Variants in LRRC7 observed in about 807,000 individuals in gnomAD.
LRRC7 encodes leucine rich repeat containing 7.
A neutral mutation model predicts 175.7 loss-of-function variants in LRRC7; 23 were observed. The observed-to-expected ratio is 0.13, with a 90% CI of 0.09 to 0.19. LRRC7 has a LOEUF of 0.19. Ranked by LOEUF, LRRC7 falls within the 10% of genes least tolerant of loss-of-function variation. LRRC7 has a pLI of 1.00. For synonymous variants in LRRC7, 685 were observed against 680.9 expected (o/e 1.01, Z -0.09); for missense variants, 1,354 against 1,904.7 (o/e 0.71, Z 5.38).
chr1:69,987,227 A>G (rs1348557194), intron 10 of LRRC7, among the ~76,000 whole-genome samples: 1 of 152,178 alleles, frequency 6.6e-6, no homozygotes, highest in East Asian at 1.9e-4. Flanking sequence ...CCTGGGCAAT[A>G]GAGGGAGACT....
At chr1:69,953,572 G>A (rs1211481690) in intron 8 of LRRC7, among the ~76,000 whole-genome samples, 1 of 152,014 alleles carries the variant, frequency 6.6e-6, no homozygotes, top group Non-Finnish European at 1.5e-5. Flanking sequence ...TGGTTTCAGT[G>A]CATCAAGTGC....
chr1:70,091,531 A>C (rs1035948968), intron 25 of LRRC7, among the ~76,000 whole-genome samples: 1 of 152,062 alleles, frequency 6.6e-6, no homozygotes, highest in African/African-American at 2.4e-5. Flanking sequence ...GTAAAAAAAT[A>C]TTTTTAAATT....
rs1666391694 is a variant in LRRC7, at chr1:70,125,204, C to T, written c.*3317C>T. On this transcript the variant is annotated 3_prime_UTR_variant, in exon 27 of 27. Transcript: ENST00000651989. ...TGAAGCCTATAAAAGATATGTATCT[C>T]CATTACTTAGAATTGTAATTATTAG... 6.6e-6 allele frequency among the ~76,000 whole-genome samples: 1 copy of T among 152,152 alleles called. No homozygotes were observed. The highest frequency in any genetic ancestry group is 2.4e-5 in the African/African-American group (1 of 41,422).
intron 8 of LRRC7, among the ~76,000 whole-genome samples, chr1:69,936,646 G>A (rs1002052539): frequency 5.9e-5 from 9 of 152,190 alleles, no homozygotes; most frequent in African/African-American, 2.2e-4. Flanking sequence ...GGGGTTTGGT[G>A]TACAAATGAT....
intron 1 of LRRC7, among the ~76,000 whole-genome samples, chr1:69,641,524 C>G (rs1031796597): frequency 3.3e-5 from 5 of 151,358 alleles, no homozygotes; most frequent in Non-Finnish European, 5.9e-5. Context: ...TATTAATAAC[C>G]TTTACAGCTT....
chr1:70,010,648 C>A (rs948077671), intron 11 of LRRC7, among the ~76,000 whole-genome samples: 4 of 152,196 alleles, frequency 2.6e-5, no homozygotes, highest in African/African-American at 9.7e-5. Flanking sequence ...TTGGTAGAAT[C>A]TTCACCCCTG....
At chr1:70,018,141 A>G (rs1267495748) in intron 14 of LRRC7, among the ~76,000 whole-genome samples, 1 of 152,076 alleles carries the variant, frequency 6.6e-6, no homozygotes, top group African/African-American at 2.4e-5. Flanking sequence ...ATATCCCTTC[A>G]GAATGAATAT....
At chr1:69,609,219 T>C (rs1168762414) in intron 1 of LRRC7, among the ~76,000 whole-genome samples, 2 of 151,946 alleles carry the variant, frequency 1.3e-5, no homozygotes, top group African/African-American at 4.8e-5. Flanking sequence ...TTGCTTTTGA[T>C]CTTTCATCAG....
At chr1:70,042,202 C>T (rs17131147) in intron 21 of LRRC7, among the ~76,000 whole-genome samples, 3,860 of 152,240 alleles carry the variant, frequency 0.025, 182 homozygotes, top group African/African-American at 0.088. Flanking sequence ...GCTATTCAGG[C>T]TATATCTTTC....
chr1:70,077,007 A>G (rs1463518775), intron 24 of LRRC7, among the ~76,000 whole-genome samples: 1 of 152,194 alleles, frequency 6.6e-6, no homozygotes, highest in Non-Finnish European at 1.5e-5. Context: ...TACACTTAAA[A>G]TTAATTTCTC....
At position 70,097,438 on chromosome 1, in the gene LRRC7, G is replaced by C. The variant is rs574045089; in HGVS notation, c.4545+7619G>C. ...ATTTTAGCAGAATTGGTTAAAGAAAGTTTCACTGAATTTTTCTTTTTTTTA... is the reference window on the plus strand; with the variant it reads ...ATTTTAGCAGAATTGGTTAAAGAAACTTTCACTGAATTTTTCTTTTTTTTA... On this transcript the variant is annotated intron_variant, in intron 25 of 26. Transcript: ENST00000651989. 9.2e-5 allele frequency among the ~76,000 whole-genome samples: 14 copies of C among 152,250 alleles called. No homozygotes were observed. In the East Asian group the frequency reaches 2.7e-3, roughly 29 times the overall value.
chr1:69,645,918 C>A (rs1478624096), intron 1 of LRRC7, among the ~76,000 whole-genome samples: 3 of 151,940 alleles, frequency 2.0e-5, no homozygotes, highest in Non-Finnish European at 4.4e-5. Context: ...GGAATTTTTT[C>A]TTGTTCCAGA....
intron 8 of LRRC7, among the ~76,000 whole-genome samples, chr1:69,962,028 A>G (rs1231512005): frequency 1.3e-5 from 2 of 152,228 alleles, no homozygotes; most frequent in Non-Finnish European, 2.9e-5. Flanking sequence ...ACAGCAAAAG[A>G]AACTATCAAC....
At chr1:69,965,994 A>C (rs886732687) in intron 8 of LRRC7, among the ~76,000 whole-genome samples, 4 of 152,190 alleles carry the variant, frequency 2.6e-5, no homozygotes, top group African/African-American at 7.2e-5. Flanking sequence ...AAAGTTTCTT[A>C]AAATGAAGTC....
At chr1:69,639,329 A>C (rs1415151052) in intron 1 of LRRC7, among the ~76,000 whole-genome samples, 1 of 151,804 alleles carries the variant, frequency 6.6e-6, no homozygotes, top group African/African-American at 2.4e-5. Context: ...GCATTAGATA[A>C]TGAAACTTTT....
In LRRC7 at chr1:69,865,469, C is replaced by CTTTTTTTTTTTTTTTTTTTT. The variant is rs532063540; in HGVS notation, c.647+27192_647+27211dup. On this transcript the variant is annotated intron_variant, in intron 7 of 26. Transcript: ENST00000651989. The stretch of plus-strand genomic sequence containing the variant: ...ATAAGCAAGCTGCTGAAGACAGTTC[C>CTTTTTTTTTTTTTTTTTTTT]TTTTTTTTTTTTTTTTTTTTTTTTT... Among the ~76,000 whole-genome samples the CTTTTTTTTTTTTTTTTTTTT allele has an allele frequency of 3.7e-3, 192 of 51,264 alleles. 43 individuals carry two copies. Among genetic ancestry groups the CTTTTTTTTTTTTTTTTTTTT allele is most frequent in the Admixed American group, 5.1e-3 (14 of 2,766 alleles). 33.6% of individuals were successfully genotyped at this position (51,264 alleles called of 152,430 possible).
At chr1:69,654,797 C>T (rs774289921) in intron 1 of LRRC7, among the ~76,000 whole-genome samples, 3 of 152,110 alleles carry the variant, frequency 2.0e-5, no homozygotes, top group African/African-American at 7.2e-5. Flanking sequence ...AATATGGCAA[C>T]TTGCCTGCTA....
At chr1:70,106,276 A>G (rs2102210386) in intron 25 of LRRC7, among the ~76,000 whole-genome samples, 1 of 152,328 alleles carries the variant, frequency 6.6e-6, no homozygotes, top group East Asian at 1.9e-4. Context: ...ATATACAAAA[A>G]GAAACTCCGT....
intron 1 of LRRC7, among the ~76,000 whole-genome samples, chr1:69,590,939 C>G (rs2100955986): frequency 6.6e-6 from 1 of 152,040 alleles, no homozygotes; most frequent in East Asian, 1.9e-4. Flanking sequence ...ATAAAACATG[C>G]TATAAAATGT....
Sources: allele counts gnomAD v4.1 joint callset (sites outside exome capture counted in the v4.1 genomes callset), GRCh38; gene constraint gnomAD v4.1.1; transcripts MANE v1.5; gene names NCBI Gene and HGNC (gene_info 2026-07-23, HGNC 2026-07-21).